The following SKAP2 variants were observed in gnomAD, a reference collection of about 807,000 sequenced individuals.
SKAP2 encodes the protein src kinase-associated phosphoprotein 2.
In SKAP2, 28 loss-of-function variants were observed where a neutral mutation model predicts 54.9. The ratio of observed to expected loss-of-function variants is 0.51; its 90% CI spans 0.38 to 0.70. The LOEUF (loss-of-function observed/expected upper bound fraction) is 0.70, where lower values mean the gene tolerates loss of function less well. Ranked by LOEUF, SKAP2 falls within the 30% of genes least tolerant of loss-of-function variation. SKAP2 has a pLI of 0.00. For missense variants in SKAP2, 356 were observed against 424.1 expected (o/e 0.84, Z 1.41); for synonymous variants, 137 against 134.3 (o/e 1.02, Z -0.14).
At chr7:26,861,778 T>C (rs1037913979) in intron 1 of SKAP2, among the ~76,000 whole-genome samples, 2 of 151,930 alleles carry the variant, frequency 1.3e-5, no homozygotes, top group Admixed American at 6.5e-5. Context: ...CTTGAGTACC[T>C]ATCCCTTTTA....
chr7:26,864,377 C>T lies in SKAP2; in HGVS notation c.53G>A (p.Arg18Lys), dbSNP rs369206020. ...CCGCTCTTTACCTGCCAACAGGTTCCTAATTTCCTCAGGGAGGGGGTAGGG... is the reference window on the plus strand; with the variant it reads ...CCGCTCTTTACCTGCCAACAGGTTCTTAATTTCCTCAGGGAGGGGGTAGGG... The part of the protein sequence containing the change: ...SSPYPLPEEI[R>K]NLLADVETFV... The change falls in exon 1 of 13, where the codon AGG (arginine) becomes AAG (lysine). Residue 18 changes from arginine to lysine, a missense_variant. By Grantham distance (26) the Arg-to-Lys change is conservative. Coordinates refer to ENST00000345317, the MANE Select transcript of SKAP2 (RefSeq NM_003930.5). The T allele has an allele frequency of 2.5e-6, 4 of 1,613,466 alleles. No homozygotes were observed. Among genetic ancestry groups the T allele is most frequent in the Non-Finnish European group, 3.4e-6 (4 of 1,179,742 alleles).
chr7:26,690,321 T>G lies in SKAP2; in HGVS notation c.838A>C (p.Arg280=), dbSNP rs746346875. 5.6e-6 allele frequency: 9 copies of G among 1,612,672 alleles called. No individual in the cohort carries two copies. The African/African-American group carries it at 1.2e-4, about 22-fold the overall frequency. Residue 280 remains arginine (R), a synonymous_variant, in exon 10 of 13, where the codon AGG becomes CGG. Transcript: ENST00000345317. ...TGGACACTATCCTGACTCATCTTCC[T>G]TTGTTCTTCCACTTTCACTGGAGCA... ...DSAPVKVEEQ[R]KMSQDSVHHT... is the part of the protein sequence containing the mutation.
chr7:26,720,881 C>A (rs966088874), intron 9 of SKAP2, among the ~76,000 whole-genome samples: 1 of 152,090 alleles, frequency 6.6e-6, no homozygotes, highest in African/African-American at 2.4e-5. Flanking sequence ...ATGGGTACTA[C>A]AATTCAAGAT....
intron 1 of SKAP2, among the ~76,000 whole-genome samples, chr7:26,856,743 G>A (rs778041699): frequency 6.6e-6 from 1 of 152,230 alleles, no homozygotes; most frequent in South Asian, 2.1e-4. Flanking sequence ...AGACTCAATA[G>A]GAAGAATCAC....
chr7:26,835,704 T>C (rs1784692793), intron 4 of SKAP2, among the ~76,000 whole-genome samples: 1 of 152,040 alleles, frequency 6.6e-6, no homozygotes, highest in Non-Finnish European at 1.5e-5. Flanking sequence ...CACATACAAA[T>C]GGAAAAATAT....
intron 6 of SKAP2, 34 bp downstream of exon 6, chr7:26,738,761 A>G: frequency 7.8e-7 from 1 of 1,282,012 alleles, no homozygotes; most frequent in Non-Finnish European, 1.1e-6. Flanking sequence ...ATTCTTTTGC[A>G]ATAGTAGTTG....
At chr7:26,789,483 C>CA (rs922293854) in intron 4 of SKAP2, among the ~76,000 whole-genome samples, 3 of 152,134 alleles carry the variant, frequency 2.0e-5, no homozygotes, top group African/African-American at 7.2e-5. Context: ...CAGAGATATT[C>CA]AATTGTTTGT....
intron 4 of SKAP2, among the ~76,000 whole-genome samples, chr7:26,785,573 CAT>C (rs1783528209): frequency 6.6e-6 from 1 of 152,190 alleles, no homozygotes; most frequent in Non-Finnish European, 1.5e-5. Context: ...GCCCACAGAG[CAT>C]ATGTCTAAAT....
At chr7:26,693,114 C>T (rs913414064) in intron 9 of SKAP2, among the ~76,000 whole-genome samples, 2 of 152,026 alleles carry the variant, frequency 1.3e-5, no homozygotes, top group Non-Finnish European at 2.9e-5. Context: ...GGTGGATCAC[C>T]TGAGATCAGG....
At chr7:26,858,099 T>C (rs1349012499) in intron 1 of SKAP2, 1 of 152,194 alleles carries the variant, frequency 6.6e-6, no homozygotes, top group Non-Finnish European at 1.5e-5. Flanking sequence ...CTCTCACGCA[T>C]ACTGGCCACG....
At chr7:26,691,518 C>T (rs1266792752) in intron 9 of SKAP2, among the ~76,000 whole-genome samples, 1 of 152,194 alleles carries the variant, frequency 6.6e-6, no homozygotes, top group Admixed American at 6.5e-5. Context: ...AATCAATCTT[C>T]ATTGGATATT....
chr7:26,794,556 T>A (rs1007462309), intron 4 of SKAP2, among the ~76,000 whole-genome samples: 1 of 152,252 alleles, frequency 6.6e-6, no homozygotes, highest in Non-Finnish European at 1.5e-5. Flanking sequence ...ATAAACTGCA[T>A]GCTGTTTGCA....
chr7:26,790,178 T>C (rs1166774871), intron 4 of SKAP2, among the ~76,000 whole-genome samples: 1 of 152,188 alleles, frequency 6.6e-6, no homozygotes. Context: ...CCTAATTACT[T>C]AGGTCTGGAA....
chr7:26,675,427 T>C (rs1198324533), intron 11 of SKAP2, among the ~76,000 whole-genome samples: 2 of 152,214 alleles, frequency 1.3e-5, no homozygotes, highest in Non-Finnish European at 2.9e-5. Flanking sequence ...ATATCTCTCA[T>C]TTCAAGCTAA....
At chr7:26,711,318 C>T (rs1338311536) in intron 9 of SKAP2, among the ~76,000 whole-genome samples, 1 of 151,926 alleles carries the variant, frequency 6.6e-6, no homozygotes, top group African/African-American at 2.4e-5. Context: ...ATATCTGTTC[C>T]TCTTATTAAA....
rs188866744 is a variant in SKAP2, at chr7:26,740,034, C to G, written c.308-70G>C. The G allele has an allele frequency of 3.0e-4, 278 of 923,120 alleles. 1 individual carries two copies. In the African/African-American group the frequency reaches 4.1e-3, roughly 14 times the overall value. 57.2% of individuals were successfully genotyped at this position (923,120 alleles called of 1,614,324 possible). ...ATTTCAGAATAAACAAGTGCCAGAT[C>G]TCATTAGATTCAGTGTGCTTTTAAT... On this transcript the variant is annotated intron_variant, in intron 4 of 12. Coordinates refer to ENST00000345317, the MANE Select transcript of SKAP2 (RefSeq NM_003930.5).
intron 1 of SKAP2, among the ~76,000 whole-genome samples, chr7:26,858,655 C>T (rs1296786177): frequency 5.3e-5 from 8 of 152,132 alleles, no homozygotes; most frequent in Non-Finnish European, 8.8e-5. Context: ...CCCCACCTTT[C>T]CCTGGAGTCG....
At chr7:26,776,523 T>A (rs1193899353) in intron 4 of SKAP2, among the ~76,000 whole-genome samples, 6 of 152,106 alleles carry the variant, frequency 3.9e-5, no homozygotes, top group Non-Finnish European at 8.8e-5. Context: ...TATTTAGTCA[T>A]CTCAAAACTT....
At chr7:26,704,168 G>GA in intron 9 of SKAP2, among the ~76,000 whole-genome samples, 1 of 152,256 alleles carries the variant, frequency 6.6e-6, no homozygotes, top group East Asian at 1.9e-4. Context: ...GTACACTGCT[G>GA]AAAAAACAGG....
Sources: allele counts gnomAD v4.1 joint callset (sites outside exome capture counted in the v4.1 genomes callset), GRCh38; gene constraint gnomAD v4.1.1; transcripts MANE v1.5; gene names NCBI Gene and HGNC (gene_info 2026-07-23, HGNC 2026-07-21).